COA5: variants seen among roughly 807,000 people sequenced by gnomAD.
COA5 encodes the protein cytochrome c oxidase assembly factor 5, also known as protein C2orf64.
In COA5, 11 loss-of-function variants were observed where a neutral mutation model predicts 11.8. That is an observed-to-expected ratio of 0.93 (90% CI 0.59 to 1.54). The LOEUF is 1.54. COA5 is among the 40% of genes most tolerant of loss of function. The probability of loss-of-function intolerance (pLI) is 0.00; values close to 1 mark genes in which losing one functional copy is unlikely to be tolerated. For missense variants in COA5, 87 were observed against 89.2 expected, an observed-to-expected ratio of 0.97 and a Z score of 0.10; for synonymous variants, 38 against 37.5, an observed-to-expected ratio of 1.01 and a Z score of -0.05.
intron 1 of COA5, among the ~76,000 whole-genome samples, chr2:98,606,720 T>C (rs1700710058): frequency 6.6e-6 from 1 of 152,224 alleles, no homozygotes; most frequent in African/African-American, 2.4e-5. Flanking sequence ...TCCTACTCAG[T>C]GTACTTTCTT....
intron 2 of COA5, among the ~76,000 whole-genome samples, chr2:98,603,689 C>CCA (rs1259409878): frequency 8.5e-5 from 13 of 152,208 alleles, no homozygotes; most frequent in Admixed American, 6.5e-4. Context: ...TTTCTACAAT[C>CCA]CATCCCTCCA....
chr2:98,599,485 T>G lies in COA5; in HGVS notation c.*1267A>C, dbSNP rs1473123122. The G allele has an allele frequency of 6.6e-6, 1 of 152,158 alleles. No individual in the cohort carries two copies. Among genetic ancestry groups the G allele is most frequent in the Non-Finnish European group, 1.5e-5 (1 of 68,032 alleles). 9.4% of individuals were successfully genotyped at this position (152,158 alleles called of 1,614,324 possible). On this transcript the variant is annotated 3_prime_UTR_variant, in exon 3 of 3. Coordinates refer to ENST00000328709, the MANE Select transcript of COA5 (RefSeq NM_001008215.3). ...CATTGAAAAAAACTATTATTGTCCC[T>G]TTCCTGGTGAAAAGGAGTATACACA... is the stretch of plus-strand genomic sequence containing the variant.
Position 98,603,430 on chromosome 2 carries a change from G to C in COA5, c.183+678C>G, listed in dbSNP as rs147170167. On this transcript the variant is annotated intron_variant, in intron 2 of 2. Transcript: ENST00000328709. ...CAGGAGGCAGAGGTTGCAGTGATCT[G>C]AGATTGCGCCACTGCACTCCAGCCT... Among the ~76,000 whole-genome samples, 214 of 152,186 alleles carry C rather than the reference G, an allele frequency of 1.4e-3. 1 individual carries two copies. The highest frequency in any genetic ancestry group is 5.0e-3 in the African/African-American group (208 of 41,516).
At chr2:98,606,887 C>A (rs757004862) in intron 1 of COA5, among the ~76,000 whole-genome samples, 1 of 152,204 alleles carries the variant, frequency 6.6e-6, no homozygotes, top group Non-Finnish European at 1.5e-5. Flanking sequence ...AGCTCCTCTG[C>A]GCCCTCCCAC....
intron 2 of COA5, among the ~76,000 whole-genome samples, chr2:98,603,407 G>A (rs911998692): frequency 6.6e-6 from 1 of 152,146 alleles, no homozygotes; most frequent in African/African-American, 2.4e-5. Context: ...CTTGAACCCA[G>A]GAGGCAGAGG....
Position 98,604,105 on chromosome 2 carries a change from T to G in COA5, c.183+3A>C. On this transcript the variant is annotated splice_donor_region_variant and intron_variant, in intron 2 of 2. Transcript: ENST00000328709. Reference sequence around the variant, plus strand: ...AGGCTTTTAAAAATCTTTAACCACTTACCACTGATCTTTTACACTCAAAAA... The same window carrying G: ...AGGCTTTTAAAAATCTTTAACCACTGACCACTGATCTTTTACACTCAAAAA... The G allele has an allele frequency of 6.2e-7, 1 of 1,610,816 alleles. No individual in the cohort carries two copies. Among genetic ancestry groups the G allele is most frequent in the Non-Finnish European group, 8.5e-7 (1 of 1,177,066 alleles).
At chr2:98,601,748 C>T (rs1470546006) in intron 2 of COA5, among the ~76,000 whole-genome samples, 4 of 152,160 alleles carry the variant, frequency 2.6e-5, no homozygotes, top group Non-Finnish European at 4.4e-5. Flanking sequence ...GCTCCACCTC[C>T]TGTCAGATCA....
intron 1 of COA5, among the ~76,000 whole-genome samples, chr2:98,606,140 G>A (rs1389733645): frequency 6.6e-6 from 1 of 152,134 alleles, no homozygotes; most frequent in African/African-American, 2.4e-5. Flanking sequence ...CCTGCCATAG[G>A]ATCAGATTAA....
intron 1 of COA5, among the ~76,000 whole-genome samples, chr2:98,607,834 T>C (rs1018611929): frequency 6.6e-6 from 1 of 152,194 alleles, no homozygotes; most frequent in Non-Finnish European, 1.5e-5. Context: ...TGCAGAGAAC[T>C]GTAACTCAGA....
rs1207166847 is a variant in COA5 at position 98,599,435 on chromosome 2, AAGTT to A, written c.*1313_*1316del. On this transcript the variant is annotated 3_prime_UTR_variant, in exon 3 of 3. Coordinates refer to ENST00000328709, the MANE Select transcript of COA5 (RefSeq NM_001008215.3). ...AGAGTTGTTTACTTTTATTAATAAA[AAGTT>A]AGATCACTTATATATATATACATTG... 4.6e-5 allele frequency: 7 copies of A among 152,340 alleles called. No homozygotes were observed. Among genetic ancestry groups the A allele is most frequent in the East Asian group, 1.9e-4 (1 of 5,190 alleles). 9.4% of individuals were successfully genotyped at this position (152,340 alleles called of 1,614,324 possible). A position where few individuals can be genotyped will look rare whatever the true frequency, so the allele number is the denominator to read the frequency against.
chr2:98,599,416 G>GTTTAC lies in COA5; in HGVS notation c.*1331_*1335dup, dbSNP rs1195943862. On this transcript the variant is annotated 3_prime_UTR_variant, in exon 3 of 3. Transcript: ENST00000328709. ...GCTTTATAATATACATTTTAGAGTT[G>GTTTAC]TTTACTTTTATTAATAAAAAGTTAG... is the stretch of plus-strand genomic sequence containing the variant. 2 of 152,084 alleles carry GTTTAC rather than the reference G, an allele frequency of 1.3e-5. No homozygotes were observed. Among genetic ancestry groups the GTTTAC allele is most frequent in the African/African-American group, 4.8e-5 (2 of 41,388 alleles). 9.4% of individuals were successfully genotyped at this position (152,084 alleles called of 1,614,324 possible). A position where few individuals can be genotyped will look rare whatever the true frequency, so the allele number is the denominator to read the frequency against.
In COA5 at chr2:98,600,090, G is replaced by A. The variant is rs1390347874; in HGVS notation, c.*662C>T. On this transcript the variant is annotated 3_prime_UTR_variant, in exon 3 of 3. Transcript: ENST00000328709. ...ATAATAAGGATGTGGACTTGGAGCTGACACTGGCCCATTATGTAGAGCGGG... is the reference window on the plus strand; with the variant it reads ...ATAATAAGGATGTGGACTTGGAGCTAACACTGGCCCATTATGTAGAGCGGG... 1 of 152,438 alleles carries A rather than the reference G, an allele frequency of 6.6e-6. No homozygotes were observed. Among genetic ancestry groups the A allele is most frequent in the African/African-American group, 2.4e-5 (1 of 41,442 alleles). 9.4% of individuals were successfully genotyped at this position (152,438 alleles called of 1,614,324 possible).
chr2:98,603,766 C>T (rs897424271), intron 2 of COA5, among the ~76,000 whole-genome samples: 19 of 152,176 alleles, frequency 1.2e-4, no homozygotes, highest in African/African-American at 4.3e-4. Context: ...CACCTTGGAG[C>T]TCCACATTAT....
intron 1 of COA5, among the ~76,000 whole-genome samples, chr2:98,607,397 TAACTC>T (rs1700721698): frequency 6.6e-6 from 1 of 152,232 alleles, no homozygotes; most frequent in South Asian, 2.1e-4. Context: ...AAATTTATAA[TAACTC>T]AAGTTTTACT....
Position 98,604,031 on chromosome 2 carries a change from C to G in COA5, c.183+77G>C, listed in dbSNP as rs1354090246. On this transcript the variant is annotated intron_variant, in intron 2 of 2. Coordinates refer to ENST00000328709, the MANE Select transcript of COA5 (RefSeq NM_001008215.3). ...CCATATCACTGCAACTTACCTATAACTATTAAGTCATTCATATATTTAACC... is the reference window on the plus strand; with the variant it reads ...CCATATCACTGCAACTTACCTATAAGTATTAAGTCATTCATATATTTAACC... 3.8e-6 allele frequency: 4 copies of G among 1,054,690 alleles called. No individual in the cohort carries two copies. The Admixed American group carries it at 6.9e-5, about 18-fold the overall frequency. 65.3% of individuals were successfully genotyped at this position (1,054,690 alleles called of 1,614,324 possible).
intron 2 of COA5, 40 bp downstream of exon 2, chr2:98,604,068 A>G (rs766596004): frequency 1.3e-6 from 2 of 1,490,096 alleles, no homozygotes; most frequent in South Asian, 1.1e-5. Flanking sequence ...CCCTATAGCT[A>G]ATTTTTAGCA....
intron 1 of COA5, chr2:98,604,565 A>G: frequency 4.1e-6 from 1 of 243,778 alleles, no homozygotes; most frequent in South Asian, 4.9e-5. Flanking sequence ...TCACAAAGAT[A>G]TTAACAAGGC....
rs369199369 is a variant in COA5, at chr2:98,600,748, T to C, written c.*4A>G. The C allele has an allele frequency of 1.2e-6, 2 of 1,609,790 alleles. No individual in the cohort carries two copies. Among genetic ancestry groups the C allele is most frequent in the Non-Finnish European group, 1.7e-6 (2 of 1,176,786 alleles). On this transcript the variant is annotated 3_prime_UTR_variant, in exon 3 of 3. Transcript: ENST00000328709. ...GTTTTCCATGTTGGCTTCAACATAA[T>C]GCATCAATATCCTTTTCTTCCTCTG...
At chr2:98,604,269 T>C (rs1700682448) in intron 1 of COA5, 78 bp from the exon 2 acceptor site, 11 of 1,110,732 alleles carry the variant, frequency 9.9e-6, no homozygotes, top group South Asian at 8.7e-5. Flanking sequence ...CTTCTGAAAA[T>C]AGTCCTTTTT....
Sources: gnomAD v4.1 joint callset for allele counts (sites outside exome capture counted in the v4.1 genomes callset) on GRCh38, gnomAD v4.1.1 for gene constraint, MANE v1.5 for transcripts, NCBI Gene and HGNC (gene_info 2026-07-23, HGNC 2026-07-21) for gene names.